LRRC8A: variants seen among roughly 807,000 people sequenced by gnomAD.
LRRC8A encodes leucine rich repeat containing 8 VRAC subunit A.
In LRRC8A, 24 loss-of-function variants were observed where a neutral mutation model predicts 52.5. The ratio of observed to expected loss-of-function variants is 0.46; its 90% confidence interval spans 0.33 to 0.64. The LOEUF is 0.64. Among genes scored for constraint, LRRC8A ranks in the 30% least tolerant of loss-of-function variants. LRRC8A has a pLI of 0.02. For synonymous variants in LRRC8A, 492 were observed against 494.2 expected (o/e 1.00, Z 0.06); for missense variants, 677 against 1,094.7 (o/e 0.62, Z 5.38).
In LRRC8A at chr9:128,916,632, A is replaced by C; in HGVS notation, c.*261A>C. 2.2e-6 allele frequency: 1 copy of C among 457,456 alleles called. No homozygotes were observed. The highest frequency in any genetic ancestry group is 3.9e-6 in the Non-Finnish European group (1 of 254,820). 28.3% of individuals were successfully genotyped at this position (457,456 alleles called of 1,614,324 possible). On this transcript the variant is annotated 3_prime_UTR_variant, in exon 4 of 4. Coordinates refer to ENST00000372600, the MANE Select transcript of LRRC8A (RefSeq NM_019594.4). This position sits in a 1 kb window ranked among gnomAD's most constrained non-coding sequence, Gnocchi z 6.1. ...GTCTCAAGAGCGCAGTATTTGGATA[A>C]TCAGGGTCTCCTCCCTGGAGGCCAG...
At chr9:128,897,809 G>A (rs372810795) in intron 2 of LRRC8A, among the ~76,000 whole-genome samples, 1 of 152,036 alleles carries the variant, frequency 6.6e-6, no homozygotes, top group Non-Finnish European at 1.5e-5. Context: ...CTTCCAAAGT[G>A]CTGGGATTAC....
In LRRC8A at chr9:128,907,010, G is replaced by C. The variant is rs750473585; in HGVS notation, c.-8-147G>C. On this transcript the variant is annotated intron_variant, in intron 2 of 3. Coordinates refer to ENST00000372600, the MANE Select transcript of LRRC8A (RefSeq NM_019594.4). The surrounding 1 kb of genome is among the most constrained non-coding windows in gnomAD (Gnocchi z 9.3). ...GAAGGGCTGATAAGTGGGCTGCCCC[G>C]TGGAGTAGGCAGGCTTTGGCTCCCA... 2 of 738,714 alleles carry C rather than the reference G, an allele frequency of 2.7e-6. No individual in the cohort carries two copies. The highest frequency in any genetic ancestry group is 3.5e-5 in the African/African-American group (2 of 56,770). 45.8% of individuals were successfully genotyped at this position (738,714 alleles called of 1,614,324 possible).
In LRRC8A at chr9:128,899,734, G is replaced by C. The variant is rs1248030874; in HGVS notation, c.-8-7423G>C. Among the ~76,000 whole-genome samples the C allele has an allele frequency of 6.6e-6, 1 of 152,192 alleles. No individual in the cohort carries two copies. Among genetic ancestry groups the C allele is most frequent in the Non-Finnish European group, 1.5e-5 (1 of 68,036 alleles). The stretch of plus-strand genomic sequence containing the variant: ...GAGAGGAAGTGGGATGGAGTGCTTG[G>C]AGGCGGTGGGAGGAAGGGGTGTCGT... On this transcript the variant is annotated intron_variant, in intron 2 of 3. Transcript: ENST00000372600. The surrounding 1 kb of genome is among the most constrained non-coding windows in gnomAD (Gnocchi z 4.0).
intron 2 of LRRC8A, among the ~76,000 whole-genome samples, chr9:128,904,768 G>T (rs570942079): frequency 7.3e-4 from 111 of 152,102 alleles, no homozygotes; most frequent in African/African-American, 2.5e-3. Flanking sequence ...GCCAAGGCGG[G>T]CGGATCACAA....
intron 2 of LRRC8A, among the ~76,000 whole-genome samples, chr9:128,900,299 C>T (rs978817847): frequency 6.6e-6 from 1 of 152,192 alleles, no homozygotes; most frequent in African/African-American, 2.4e-5. Flanking sequence ...TGTATCGAGT[C>T]CTAACAATTG....
At chr9:128,898,077 TGTGTGTGTG>T (rs1162048069) in intron 2 of LRRC8A, among the ~76,000 whole-genome samples, 1 of 143,414 alleles carries the variant, frequency 7.0e-6, no homozygotes, top group South Asian at 2.3e-4. Context: ...TGTGTGTGTG[TGTGTGTGTG>T]TAATTTATGG....
rs1439388221 is a variant in LRRC8A at position 128,911,706 on chromosome 9, C to G, written c.2157+2385C>G. ...GTGTCATGCCTGCTGGCTGAGGTCACCCCTCAGGAAAGGAGCTGGCGGCAA... is the reference window on the plus strand; with the variant it reads ...GTGTCATGCCTGCTGGCTGAGGTCAGCCCTCAGGAAAGGAGCTGGCGGCAA... On this transcript the variant is annotated intron_variant, in intron 3 of 3. Transcript: ENST00000372600. The surrounding 1 kb of genome is among the most constrained non-coding windows in gnomAD (Gnocchi z 4.9). Among the ~76,000 whole-genome samples the G allele has an allele frequency of 6.6e-6, 1 of 152,202 alleles. No individual in the cohort carries two copies. Among genetic ancestry groups the G allele is most frequent in the East Asian group, 1.9e-4 (1 of 5,192 alleles).
intron 1 of LRRC8A, chr9:128,882,649 A>C: frequency 7.5e-6 from 3 of 398,922 alleles, no homozygotes; most frequent in Non-Finnish European, 8.8e-6. Context: ...TTCTTTTTCA[A>C]AGATTTCCTT....
At position 128,882,253 on chromosome 9, in the gene LRRC8A, G is replaced by A. The variant is rs1839065938; in HGVS notation, c.-116+3G>A. Reference sequence around the variant, plus strand: ...GCGGCCGGGCGCGGCGAGCCCAGGTGAGTGGACGGGGTGGGGAAAGGGGCG... The same window carrying A: ...GCGGCCGGGCGCGGCGAGCCCAGGTAAGTGGACGGGGTGGGGAAAGGGGCG... On this transcript the variant is annotated splice_donor_region_variant and intron_variant, in intron 1 of 3. Transcript: ENST00000372600. 6.6e-6 allele frequency: 1 copy of A among 152,664 alleles called. No homozygotes were observed. The highest frequency in any genetic ancestry group is 1.5e-5 in the Non-Finnish European group (1 of 68,226). The allele number at this position is 152,664 out of a possible 1,614,324, so 9.5% of individuals were successfully genotyped here.
chr9:128,903,601 G>C (rs1047367485), intron 2 of LRRC8A, among the ~76,000 whole-genome samples: 4 of 151,824 alleles, frequency 2.6e-5, no homozygotes, highest in Middle Eastern at 3.4e-3. Context: ...TTTTAGTAGA[G>C]ACGGAGTTTC....
intron 1 of LRRC8A, among the ~76,000 whole-genome samples, chr9:128,885,679 G>A (rs1839366425): frequency 6.6e-6 from 1 of 152,154 alleles, no homozygotes; most frequent in Admixed American, 6.5e-5. Flanking sequence ...AGGCCGAGGC[G>A]GGCAGATCCC....
chr9:128,882,817 C>CT (rs1839147920), intron 1 of LRRC8A: 5 of 398,834 alleles, frequency 1.3e-5, no homozygotes, highest in Non-Finnish European at 2.2e-5. Context: ...GGTCCGGAAT[C>CT]TAAGAACCCA....
At chr9:128,906,586 G>C (rs553951307) in intron 2 of LRRC8A, among the ~76,000 whole-genome samples, 2 of 152,070 alleles carry the variant, frequency 1.3e-5, no homozygotes, top group East Asian at 3.9e-4. Context: ...GCCTCCCAAA[G>C]TGCTGGGATT....
intron 2 of LRRC8A, among the ~76,000 whole-genome samples, chr9:128,889,168 A>T (rs1314163468): frequency 1.3e-5 from 2 of 151,858 alleles, no homozygotes; most frequent in African/African-American, 4.8e-5. Flanking sequence ...TTCACCCTCC[A>T]TTACCCTCTT....
In LRRC8A at chr9:128,895,629, C is replaced by G. The variant is rs144388943; in HGVS notation, c.-9+9508C>G. Among the ~76,000 whole-genome samples, 396 of 152,306 alleles carry G rather than the reference C, an allele frequency of 2.6e-3. 5 individuals are homozygous for G. The highest frequency in any genetic ancestry group is 8.6e-3 in the African/African-American group (357 of 41,560). Reference sequence around the variant, plus strand: ...TGCTTGAGCTGCCTTGTGGGAAGGGCCTGTTCTGCATGATGCCCACTTCTA... The same window carrying G: ...TGCTTGAGCTGCCTTGTGGGAAGGGGCTGTTCTGCATGATGCCCACTTCTA... On this transcript the variant is annotated intron_variant, in intron 2 of 3. Coordinates refer to ENST00000372600, the MANE Select transcript of LRRC8A (RefSeq NM_019594.4).
Position 128,907,555 on chromosome 9 carries a change from C to T in LRRC8A, c.391C>T (p.Leu131=). The change falls in exon 3 of 4, where the codon CTG becomes TTG. Residue 131 remains leucine (L), a synonymous_variant. Coordinates refer to ENST00000372600, the MANE Select transcript of LRRC8A (RefSeq NM_019594.4). The surrounding 1 kb of genome is among the most constrained non-coding windows in gnomAD (Gnocchi z 9.3). ...CAAGTACTTCCCCTACCTGGTGCTT[C>T]TGCACACGCTCATCTTCCTGGCCTG... ...FAKYFPYLVL[L]HTLIFLACSN... is the part of the protein sequence containing the mutation. 1.2e-6 allele frequency: 2 copies of T among 1,614,174 alleles called. No homozygotes were observed. Among genetic ancestry groups the T allele is most frequent in the Non-Finnish European group, 8.5e-7 (1 of 1,180,040 alleles).
intron 2 of LRRC8A, among the ~76,000 whole-genome samples, chr9:128,896,364 A>G (rs887922930): frequency 3.9e-5 from 6 of 152,218 alleles, no homozygotes; most frequent in Non-Finnish European, 7.4e-5. Context: ...ATTACAAACA[A>G]TTCTTCAGTG....
intron 2 of LRRC8A, among the ~76,000 whole-genome samples, chr9:128,905,571 A>G (rs1840212671): frequency 6.6e-6 from 1 of 152,180 alleles, no homozygotes; most frequent in Non-Finnish European, 1.5e-5. Context: ...CCAGCCAGGC[A>G]CGGTGGCTCA....
chr9:128,914,403 A>C (rs554510424), intron 3 of LRRC8A, among the ~76,000 whole-genome samples: 1 of 138,700 alleles, frequency 7.2e-6, no homozygotes, highest in Non-Finnish European at 1.6e-5. Flanking sequence ...CTCAGTTTCT[A>C]GTCCAACCTG....
Sources: gnomAD v4.1 joint callset for allele counts (sites outside exome capture counted in the v4.1 genomes callset) on GRCh38, gnomAD v4.1.1 for gene constraint, Gnocchi (gnomAD v3.1) non-coding constraint, MANE v1.5 for transcripts, NCBI Gene and HGNC (gene_info 2026-07-23, HGNC 2026-07-21) for gene names.